Variants in MTBP observed in about 807,000 individuals in gnomAD.
MTBP encodes MDM2 binding protein.
A neutral mutation model predicts 117.0 loss-of-function variants in MTBP; 101 were observed. That is an observed-to-expected ratio of 0.86 (90% CI 0.73 to 1.02). The LOEUF is 1.02. MTBP is among the 50% of genes least tolerant of loss of function. The probability of loss-of-function intolerance (pLI) is 0.00; values close to 1 mark genes in which losing one functional copy is unlikely to be tolerated. For missense variants in MTBP, 970 were observed against 1,030.9 expected (o/e 0.94, Z 0.81); for synonymous variants, 350 against 351.5 (o/e 1.00, Z 0.05).
intron 2 of MTBP, among the ~76,000 whole-genome samples, chr8:120,449,306 G>T (rs1284422914): frequency 1.3e-5 from 2 of 152,156 alleles, no homozygotes; most frequent in Non-Finnish European, 2.9e-5. Context: ...TAGTGAGAAA[G>T]AACCAGATTT....
intron 6 of MTBP, 95 bp downstream of exon 6, chr8:120,455,674 T>C (rs1018912290): frequency 2.5e-6 from 3 of 1,214,788 alleles, no homozygotes; most frequent in Non-Finnish European, 3.5e-6. Context: ...TTGAAAATTA[T>C]TTTAATATGA....
intron 17 of MTBP, among the ~76,000 whole-genome samples, chr8:120,515,392 C>T (rs1461616042): frequency 1.3e-5 from 2 of 151,782 alleles, no homozygotes; most frequent in East Asian, 1.9e-4. Context: ...CACAGACAGC[C>T]GAAGTGTTTG....
chr8:120,448,197 G>T (rs1276414389), intron 2 of MTBP, among the ~76,000 whole-genome samples: 1 of 152,146 alleles, frequency 6.6e-6, no homozygotes, highest in Non-Finnish European at 1.5e-5. Flanking sequence ...CTCCCAAAGT[G>T]CCGGGATTAC....
chr8:120,451,137 A>G, intron 3 of MTBP, 34 bp from the exon 4 acceptor site: 1 of 1,577,600 alleles, frequency 6.3e-7, no homozygotes. Flanking sequence ...TAATTTCATG[A>G]TCCATTATTT....
At chr8:120,474,528 G>C (rs1374133947) in intron 11 of MTBP, among the ~76,000 whole-genome samples, 1 of 151,944 alleles carries the variant, frequency 6.6e-6, no homozygotes, top group Admixed American at 6.6e-5. Context: ...CCATGACTCT[G>C]TTTCTCCACA....
chr8:120,465,109 A>G (rs1409001670), intron 10 of MTBP, among the ~76,000 whole-genome samples: 1 of 152,160 alleles, frequency 6.6e-6, no homozygotes, highest in African/African-American at 2.4e-5. Context: ...GTGCACTGAG[A>G]ATAAAAAATA....
chr8:120,509,867 A>G, intron 16 of MTBP, 67 bp from the exon 17 acceptor site: 1 of 1,074,714 alleles, frequency 9.3e-7, no homozygotes, highest in Non-Finnish European at 1.4e-6. Flanking sequence ...TTCATTAGAT[A>G]CTTTCTTTAA....
chr8:120,472,253 A>G (rs1201460121), intron 11 of MTBP: 1 of 152,174 alleles, frequency 6.6e-6, no homozygotes, highest in Non-Finnish European at 1.5e-5. Flanking sequence ...ACTGAATTCT[A>G]TTTTAGCAGA....
chr8:120,494,405 A>G (rs947797019), intron 13 of MTBP, among the ~76,000 whole-genome samples: 3 of 152,248 alleles, frequency 2.0e-5, no homozygotes, highest in Admixed American at 6.5e-5. Context: ...ATACATGGAT[A>G]TAGTTTGAAA....
chr8:120,489,591 T>C (rs1166885544), intron 12 of MTBP, among the ~76,000 whole-genome samples: 1 of 152,184 alleles, frequency 6.6e-6, no homozygotes, highest in African/African-American at 2.4e-5. Flanking sequence ...TGGGCTACTA[T>C]TTAGGTCCAC....
intron 20 of MTBP, among the ~76,000 whole-genome samples, chr8:120,519,256 C>T (rs990803696): frequency 6.6e-6 from 1 of 150,746 alleles, no homozygotes; most frequent in Non-Finnish European, 1.5e-5. Flanking sequence ...GGAAAATGTG[C>T]ATAGGATATA....
chr8:120,489,044 C>CTTCTTTTTTT lies in MTBP; in HGVS notation c.1339+714_1339+715insCTTTTTTTTT, dbSNP rs1814282334. On this transcript the variant is annotated intron_variant, in intron 12 of 21. Coordinates refer to ENST00000305949, the MANE Select transcript of MTBP (RefSeq NM_022045.5). ...TCATGGTGTTAGGGCAGACTGACTT[C>CTTCTTTTTTT]TTTTTTTTTTTTTGAGACAGAGTCT... Among the ~76,000 whole-genome samples, 3 of 128,078 alleles carry CTTCTTTTTTT rather than the reference C, an allele frequency of 2.3e-5. No homozygotes were observed. The South Asian group carries it at 7.7e-4, about 33-fold the overall frequency. 84.0% of individuals were successfully genotyped at this position (128,078 alleles called of 152,430 possible). A position where few individuals can be genotyped will look rare whatever the true frequency, so the allele number is the denominator to read the frequency against.
chr8:120,458,870 AAGAC>A (rs1212056643), intron 7 of MTBP, among the ~76,000 whole-genome samples: 5 of 151,816 alleles, frequency 3.3e-5, no homozygotes, highest in Non-Finnish European at 5.9e-5. Flanking sequence ...AAAAAGGAAC[AAGAC>A]AGACAGCTTC....
In MTBP at chr8:120,516,205, T is replaced by C. The variant is rs1465141996; in HGVS notation, c.2246+14T>C. The stretch of plus-strand genomic sequence containing the variant: ...TCCCAGAAAAAGGTGATATATTACA[T>C]GCACATAAATAGTATATTGACAGAA... On this transcript the variant is annotated intron_variant, in intron 18 of 21. Coordinates refer to ENST00000305949, the MANE Select transcript of MTBP (RefSeq NM_022045.5). 1 of 1,588,638 alleles carries C rather than the reference T, an allele frequency of 6.3e-7. No individual in the cohort carries two copies.
chr8:120,494,829 CTCTTCTG>C (rs1332698582), intron 13 of MTBP, among the ~76,000 whole-genome samples: 3 of 152,160 alleles, frequency 2.0e-5, no homozygotes, highest in African/African-American at 7.2e-5. Context: ...AATTTGCCTA[CTCTTCTG>C]TATAGACAGA....
intron 7 of MTBP, among the ~76,000 whole-genome samples, 158 bp from the exon 8 acceptor site, chr8:120,459,057 A>T (rs992351773): frequency 3.3e-5 from 5 of 152,136 alleles, no homozygotes; most frequent in African/African-American, 1.2e-4. Context: ...TTAAAACAGG[A>T]TGTGTACCTA....
intron 14 of MTBP, among the ~76,000 whole-genome samples, chr8:120,500,932 C>T (rs1425431431): frequency 6.6e-6 from 1 of 151,984 alleles, no homozygotes; most frequent in African/African-American, 2.4e-5. Context: ...TGGCTCACAC[C>T]TGTAATCCCA....
intron 10 of MTBP, among the ~76,000 whole-genome samples, chr8:120,468,469 C>T (rs1813746356): frequency 6.6e-6 from 1 of 152,132 alleles, no homozygotes; most frequent in African/African-American, 2.4e-5. Flanking sequence ...TCTTGGAAAG[C>T]GTTTTCTGCA....
chr8:120,497,308 A>C (rs984886093), intron 13 of MTBP, 85 bp from the exon 14 acceptor site: 1 of 1,218,756 alleles, frequency 8.2e-7, no homozygotes, highest in Non-Finnish European at 1.1e-6. Context: ...CACTTGTTTT[A>C]CTTCTGAAAA....
Sources: gnomAD v4.1 joint callset for allele counts (sites outside exome capture counted in the v4.1 genomes callset) on GRCh38, gnomAD v4.1.1 for gene constraint, MANE v1.5 for transcripts, NCBI Gene and HGNC (gene_info 2026-07-23, HGNC 2026-07-21) for gene names.